EVC2: variants seen among roughly 807,000 people sequenced by gnomAD.
The protein encoded by EVC2 is EvC ciliary complex subunit 2.
A neutral mutation model predicts 149.3 loss-of-function variants in EVC2; 148 were observed. That is an observed-to-expected ratio of 0.99 (90% CI 0.87 to 1.14). The LOEUF (loss-of-function observed/expected upper bound fraction) is 1.14. EVC2 is among the 50% of genes most tolerant of loss of function. The pLI is 0.00. For missense variants in EVC2, 1,854 were observed against 1,627.3 expected, an observed-to-expected ratio of 1.14 and a Z score of -2.40; for synonymous variants, 776 against 649.9, an observed-to-expected ratio of 1.19 and a Z score of -2.95.
At chr4:5,559,494 C>G (rs565990317), downstream of EVC2, among the ~76,000 whole-genome samples, 1 of 152,280 alleles carries the variant, frequency 6.6e-6, no homozygotes, top group South Asian at 2.1e-4. The surrounding 1 kb of genome is among the most constrained non-coding windows in gnomAD (Gnocchi z 5.0). Context: ...GAATCAGACT[C>G]CTTGGAGAAA....
chr4:5,678,518 A>C (rs1230501776), intron 7 of EVC2, among the ~76,000 whole-genome samples: 1 of 152,212 alleles, frequency 6.6e-6, no homozygotes, highest in African/African-American at 2.4e-5. Flanking sequence ...ACAGGCATGC[A>C]TCACCTAACA....
intron 7 of EVC2, among the ~76,000 whole-genome samples, chr4:5,676,396 T>A (rs554758607): frequency 6.6e-6 from 1 of 152,200 alleles, no homozygotes; most frequent in South Asian, 2.1e-4. Flanking sequence ...CATCTTTACC[T>A]TGTATTTTTA....
At chr4:5,699,177 G>A in intron 1 of EVC2, among the ~76,000 whole-genome samples, 1 of 152,212 alleles carries the variant, frequency 6.6e-6, no homozygotes, top group South Asian at 2.1e-4. Context: ...TGCAGAGACA[G>A]TGGCAGAGAC....
chr4:5,676,857 C>T (rs952938986), intron 7 of EVC2, among the ~76,000 whole-genome samples: 8 of 151,596 alleles, frequency 5.3e-5, no homozygotes, highest in African/African-American at 1.7e-4. Context: ...CTTTTTTTTT[C>T]ATGTAGTGCC....
intron 16 of EVC2, among the ~76,000 whole-genome samples, chr4:5,598,705 C>G (rs1197632901): frequency 6.6e-6 from 1 of 152,014 alleles, no homozygotes; most frequent in Non-Finnish European, 1.5e-5. Flanking sequence ...CAACAAAAGC[C>G]AAAATTGACA....
At chr4:5,586,749 C>G (rs1712315919) in intron 16 of EVC2, among the ~76,000 whole-genome samples, 2 of 152,144 alleles carry the variant, frequency 1.3e-5, no homozygotes, top group South Asian at 4.1e-4. Flanking sequence ...TCTGGAAGCC[C>G]CCACTTCAAG....
At chr4:5,535,601 A>AAGAGAGAGAGAGAGAGAGAGAGAGAGAG in the EVC2 span, among the ~76,000 whole-genome samples, 53 of 118,228 alleles carry the variant, frequency 4.5e-4, no homozygotes, top group African/African-American at 1.2e-3. This position sits in a 1 kb window ranked among gnomAD's most constrained non-coding sequence, Gnocchi z 4.7. Context: ...CATGCTTAGA[A>AAGAGAGAGAGAGAGAGAGAGAGAGAGAG]AGAGAGAGAG....
the EVC2 span, among the ~76,000 whole-genome samples, chr4:5,531,815 G>A: frequency 6.6e-6 from 1 of 151,944 alleles, no homozygotes; most frequent in African/African-American, 2.4e-5. Flanking sequence ...GAAATAAAGT[G>A]CACAATAAAT....
intron 21 of EVC2, among the ~76,000 whole-genome samples, chr4:5,548,425 T>C (rs1002597673): frequency 6.7e-6 from 1 of 150,240 alleles, no homozygotes; most frequent in Non-Finnish European, 1.5e-5. Flanking sequence ...AAAGATGGCA[T>C]TGATGACATT....
chr4:5,587,890 G>A lies in EVC2; in HGVS notation c.2830-3040C>T, dbSNP rs1712434067. Among the ~76,000 whole-genome samples, 7 of 152,096 alleles carry A rather than the reference G, an allele frequency of 4.6e-5. No individual in the cohort carries two copies. In the South Asian group the frequency reaches 1.2e-3, roughly 27 times the overall value. On this transcript the variant is annotated intron_variant, in intron 16 of 21. Transcript: ENST00000344408. ...TCAGGGGTCAATCTTTAACTACCAG[G>A]CCCAGGGTGTGGCGCCGGGCTGTCT...
chr4:5,552,053 C>A (rs1230369907), intron 21 of EVC2, among the ~76,000 whole-genome samples: 1 of 152,148 alleles, frequency 6.6e-6, no homozygotes, highest in Non-Finnish European at 1.5e-5. Context: ...GGGTAATACA[C>A]CCCTCATTCC....
rs745544783 is a variant in EVC2, at chr4:5,689,137, T to C, written c.706+20A>G. The C allele has an allele frequency of 6.2e-7, 1 of 1,613,684 alleles. No homozygotes were observed. Among genetic ancestry groups the C allele is most frequent in the Non-Finnish European group, 8.5e-7 (1 of 1,179,946 alleles). On this transcript the variant is annotated intron_variant, in intron 5 of 21. Transcript: ENST00000344408. ...ATATTCTCATTTGTCATCCCTGACT[T>C]CAGAACGCTTTGCTGTTACCTTGCA... is the stretch of plus-strand genomic sequence containing the variant.
At chr4:5,558,845 C>A (rs1209183709), downstream of EVC2, among the ~76,000 whole-genome samples, 3 of 152,130 alleles carry the variant, frequency 2.0e-5, no homozygotes, top group Non-Finnish European at 4.4e-5. Context: ...TGGAACTGAC[C>A]ACATAAGTAA....
intron 9 of EVC2, among the ~76,000 whole-genome samples, chr4:5,661,261 T>C (rs1217611783): frequency 1.3e-5 from 2 of 152,174 alleles, no homozygotes; most frequent in African/African-American, 4.8e-5. Flanking sequence ...ATAAAAATCA[T>C]CAGATATAAC....
chr4:5,622,851 GT>G lies in EVC2; in HGVS notation c.2186del (p.Asp729AlafsTer11). 6.2e-7 allele frequency: 1 copy of G among 1,614,044 alleles called. No homozygotes were observed. Among genetic ancestry groups the G allele is most frequent in the Non-Finnish European group, 8.5e-7 (1 of 1,180,024 alleles). ...ATLEELQERL[D>X]QAALDDLRTL... ...TCCTGAGATCGTCCAGGGCGGCCTG[GT>G]CCAGACGCTCCTGCAGCTCCTCCAG... On this transcript the variant is annotated frameshift_variant, in exon 14 of 22. Transcript: ENST00000344408. LOFTEE classifies it high-confidence loss of function. This position sits in a 1 kb window ranked among gnomAD's most constrained non-coding sequence, Gnocchi z 5.8.
intron 3 of EVC2, among the ~76,000 whole-genome samples, chr4:5,693,176 C>T (rs945051107): frequency 6.6e-6 from 1 of 152,046 alleles, no homozygotes; most frequent in Non-Finnish European, 1.5e-5. Context: ...AGGGTGCTGC[C>T]CTGTGAGGTG....
At chr4:5,708,789 A>AGGTT (rs1722389522), upstream of EVC2, 1 of 343,264 alleles carries the variant, frequency 2.9e-6, no homozygotes. Context: ...CTGCTCCCCG[A>AGGTT]GGTTACCAGG....
chr4:5,702,284 G>A (rs1721874418), intron 1 of EVC2, among the ~76,000 whole-genome samples: 1 of 152,120 alleles, frequency 6.6e-6, no homozygotes, highest in South Asian at 2.1e-4. Flanking sequence ...CATCTCTACA[G>A]CCCCAACCAC....
At chr4:5,659,477 C>T (rs1718742329) in intron 9 of EVC2, among the ~76,000 whole-genome samples, 1 of 150,220 alleles carries the variant, frequency 6.7e-6, no homozygotes, top group Non-Finnish European at 1.5e-5. Context: ...AATTGGAGTT[C>T]AATAAATATT....
Sources: gnomAD v4.1 joint callset for allele counts (sites outside exome capture counted in the v4.1 genomes callset) on GRCh38, gnomAD v4.1.1 for gene constraint, Gnocchi (gnomAD v3.1) non-coding constraint, MANE v1.5 for transcripts, NCBI Gene and HGNC (gene_info 2026-07-23, HGNC 2026-07-21) for gene names.